MCM10: variants seen among roughly 807,000 people sequenced by gnomAD.
The protein encoded by MCM10 is protein MCM10 homolog.
Under a neutral mutation model 109.9 loss-of-function variants are expected in MCM10, and 91 were observed. That is an observed-to-expected ratio of 0.83 (90% confidence interval 0.70 to 0.99). MCM10 has a LOEUF of 0.99. Ranked by LOEUF, MCM10 falls within the 50% of genes least tolerant of loss-of-function variation. The probability of loss-of-function intolerance (pLI) is 0.00; values close to 1 mark genes in which losing one functional copy is unlikely to be tolerated. For missense variants in MCM10, 1,077 were observed against 1,061.2 expected (o/e 1.01, Z -0.21); for synonymous variants, 380 against 387.2 (o/e 0.98, Z 0.22).
At chr10:13,164,592 C>G (rs1350867093) in intron 2 of MCM10, among the ~76,000 whole-genome samples, 1 of 152,200 alleles carries the variant, frequency 6.6e-6, no homozygotes, top group African/African-American at 2.4e-5. Flanking sequence ...TTGAACCAGG[C>G]AGTCTGACTT....
Position 13,195,129 on chromosome 10 carries a change from G to A in MCM10, c.1834G>A (p.Glu612Lys), listed in dbSNP as rs754749477. The A allele has an allele frequency of 8.1e-5, 130 of 1,613,980 alleles. No homozygotes were observed. Among genetic ancestry groups the A allele is most frequent in the Admixed American group, 6.5e-4 (39 of 59,982 alleles). ...TGCTCAGCCTCCACGGACAGGATCCGAGTTCCCCAGGCTGGAGGGAGCCCC... is the reference window on the plus strand; with the variant it reads ...TGCTCAGCCTCCACGGACAGGATCCAAGTTCCCCAGGCTGGAGGGAGCCCC... ...PPAQPPRTGSEFPRLEGAPAT... is the reference protein window; with the variant it reads ...PPAQPPRTGSKFPRLEGAPAT... The change falls in exon 14 of 20, where the codon GAG becomes AAG. Residue 612 changes from glutamate to lysine, a missense_variant. Transcript: ENST00000378714.
chr10:13,177,194 C>T (rs1324614546), intron 6 of MCM10, among the ~76,000 whole-genome samples: 2 of 152,210 alleles, frequency 1.3e-5, no homozygotes, highest in Admixed American at 1.3e-4. Context: ...TTAAACTACT[C>T]AGCAAAAGCT....
At chr10:13,205,764 T>G (rs931416805) in intron 18 of MCM10, among the ~76,000 whole-genome samples, 2 of 152,208 alleles carry the variant, frequency 1.3e-5, no homozygotes, top group African/African-American at 4.8e-5. Context: ...TTCCGAATAC[T>G]TTGGACCCAC....
At chr10:13,169,392 CA>C (rs1291770531) in intron 2 of MCM10, among the ~76,000 whole-genome samples, 1 of 152,162 alleles carries the variant, frequency 6.6e-6, no homozygotes, top group Non-Finnish European at 1.5e-5. Context: ...TTGCATGAGA[CA>C]ACGAACCTCA....
intron 1 of MCM10, 150 bp from the exon 2 acceptor site, chr10:13,163,978 T>C: frequency 2.8e-6 from 1 of 352,726 alleles, no homozygotes; most frequent in East Asian, 4.5e-5. Context: ...GCATTGGCGG[T>C]GTGGAGAGAG....
At position 13,198,620 on chromosome 10, in the gene MCM10, G is replaced by T. The variant is rs112568019; in HGVS notation, c.2120-69G>T. On this transcript the variant is annotated intron_variant, in intron 15 of 19. Coordinates refer to ENST00000378714, the MANE Select transcript of MCM10 (RefSeq NM_018518.5). The stretch of plus-strand genomic sequence containing the variant: ...GAGGAGGAGGGAGTGGGAGGGAGTA[G>T]AGTTGATGAGGCGCACTGGCTTTCT... 4.9e-4 allele frequency: 477 copies of T among 964,436 alleles called. 3 individuals are homozygous for T. In the African/African-American group the frequency reaches 5.5e-3, roughly 11 times the overall value. 59.7% of individuals were successfully genotyped at this position (964,436 alleles called of 1,614,324 possible). A position where few individuals can be genotyped will look rare whatever the true frequency, so the allele number is the denominator to read the frequency against.
At chr10:13,163,074 CAA>C (rs34121679) in intron 1 of MCM10, among the ~76,000 whole-genome samples, 3 of 115,522 alleles carry the variant, frequency 2.6e-5, no homozygotes, top group Non-Finnish European at 3.7e-5. Flanking sequence ...GACTCCGTCT[CAA>C]AAAAAAAAAA....
In MCM10 at chr10:13,172,272, G is replaced by C. The variant is rs540541390; in HGVS notation, c.350-104G>C. 2 of 754,314 alleles carry C rather than the reference G, an allele frequency of 2.7e-6. No individual in the cohort carries two copies. The allele number at this position is 754,314 out of a possible 1,614,324, so 46.7% of individuals were successfully genotyped here. A position where few individuals can be genotyped will look rare whatever the true frequency, so the allele number is the denominator to read the frequency against. ...TATGTGATTATATTGTGGGTCTCAA[G>C]GTATTGGGGCAGGGAGTGGACAACA... is the stretch of plus-strand genomic sequence containing the variant. On this transcript the variant is annotated intron_variant, in intron 3 of 19. Transcript: ENST00000378714. This position sits in a 1 kb window ranked among gnomAD's most constrained non-coding sequence, Gnocchi z 5.2.
intron 1 of MCM10, among the ~76,000 whole-genome samples, chr10:13,163,430 AAT>A: frequency 6.6e-6 from 1 of 152,338 alleles, no homozygotes; most frequent in East Asian, 1.9e-4. Flanking sequence ...AGCCTAGAAA[AAT>A]GTATACTTTC....
chr10:13,169,781 C>G (rs970823228), intron 2 of MCM10, among the ~76,000 whole-genome samples: 1 of 152,232 alleles, frequency 6.6e-6, no homozygotes, highest in African/African-American at 2.4e-5. Context: ...TCTCGGCTCA[C>G]TGCAACCTCC....
intron 9 of MCM10, 137 bp downstream of exon 9, chr10:13,186,417 A>G (rs1834275406): frequency 1.8e-6 from 1 of 562,306 alleles, no homozygotes; most frequent in Non-Finnish European, 3.2e-6. Context: ...AGAAAATTTA[A>G]TGTGTGGTTA....
At chr10:13,164,591 G>C (rs1325299076) in intron 2 of MCM10, among the ~76,000 whole-genome samples, 1 of 152,190 alleles carries the variant, frequency 6.6e-6, no homozygotes, top group Non-Finnish European at 1.5e-5. Context: ...TTTGAACCAG[G>C]CAGTCTGACT....
chr10:13,168,606 A>C (rs1484995860), intron 2 of MCM10, among the ~76,000 whole-genome samples: 17 of 152,114 alleles, frequency 1.1e-4, no homozygotes. Flanking sequence ...ATAGGGGGGA[A>C]AAAAGAGCAA....
At chr10:13,201,783 G>T (rs1236056313) in intron 17 of MCM10, 2 of 458,514 alleles carry the variant, frequency 4.4e-6, no homozygotes, top group Non-Finnish European at 7.9e-6. Context: ...GTTTGGATGG[G>T]TCCTAACATC....
Position 13,198,691 on chromosome 10 carries a change from G to A in MCM10, c.2122G>A (p.Glu708Lys). 1.9e-6 allele frequency: 3 copies of A among 1,604,074 alleles called. No homozygotes were observed. Among genetic ancestry groups the A allele is most frequent in the Non-Finnish European group, 2.6e-6 (3 of 1,171,056 alleles). Reference protein sequence around the residue: ...EKNTMFSSQAEDELEPARKKR... With the variant: ...EKNTMFSSQAKDELEPARKKR... ...AATGTTTGTTCCTTGTGCCCTAGCT[G>A]AGGATGAATTGGAGCCTGCCAGGAA... Residue 708 changes from glutamate (E) to lysine (K), a missense_variant and splice_region_variant, in exon 16 of 20, where the codon GAG becomes AAG. Transcript: ENST00000378714.
intron 8 of MCM10, 79 bp downstream of exon 8, chr10:13,183,179 C>A: frequency 1.4e-6 from 2 of 1,479,990 alleles, no homozygotes; most frequent in Admixed American, 1.8e-5. Flanking sequence ...TTTGATGCAG[C>A]ACACAGTGGC....
intron 1 of MCM10, among the ~76,000 whole-genome samples, chr10:13,163,114 GGATCACTT>G (rs1833949799): frequency 6.7e-6 from 1 of 150,310 alleles, no homozygotes; most frequent in Non-Finnish European, 1.5e-5. Flanking sequence ...CAAGGCTGAT[GGATCACTT>G]GACATCAGGA....
intron 13 of MCM10, among the ~76,000 whole-genome samples, chr10:13,193,634 T>C (rs548086020): frequency 1.3e-5 from 2 of 152,082 alleles, no homozygotes; most frequent in Non-Finnish European, 2.9e-5. Flanking sequence ...AGGAAATTCT[T>C]TGGGAAAGTA....
intron 2 of MCM10, among the ~76,000 whole-genome samples, chr10:13,168,752 A>T (rs1171507057): frequency 6.6e-6 from 1 of 152,244 alleles, no homozygotes; most frequent in Non-Finnish European, 1.5e-5. Context: ...TTGACAAAAA[A>T]ATATTTAAGT....
Sources: gnomAD v4.1 joint callset for allele counts (sites outside exome capture counted in the v4.1 genomes callset) on GRCh38, gnomAD v4.1.1 for gene constraint, Gnocchi (gnomAD v3.1) non-coding constraint, MANE v1.5 for transcripts, NCBI Gene and HGNC (gene_info 2026-07-23, HGNC 2026-07-21) for gene names.